Variants in DIP2B observed in about 807,000 individuals in gnomAD.
DIP2B encodes the protein DIP2 acetate--CoA ligase B (putative).
Under a neutral mutation model 198.0 loss-of-function variants are expected in DIP2B, and 76 were observed. The observed-to-expected ratio is 0.38, with a 90% CI of 0.32 to 0.46. DIP2B has a LOEUF of 0.46. Ranked by LOEUF, DIP2B falls within the 20% of genes least tolerant of loss-of-function variation. DIP2B has a pLI of 0.99. For missense variants in DIP2B, 1,559 were observed against 1,978.4 expected, an observed-to-expected ratio of 0.79 and a Z score of 4.02; for synonymous variants, 701 against 739.1, an observed-to-expected ratio of 0.95 and a Z score of 0.84.
intron 3 of DIP2B, among the ~76,000 whole-genome samples, chr12:50,652,854 G>A (rs982687684): frequency 3.0e-4 from 45 of 151,448 alleles, no homozygotes; most frequent in African/African-American, 1.0e-3. Flanking sequence ...CTATTCCTAA[G>A]TATTTTGTTC....
At chr12:50,638,876 T>TG (rs398116439) in intron 2 of DIP2B, among the ~76,000 whole-genome samples, 13 of 151,528 alleles carry the variant, frequency 8.6e-5, no homozygotes, top group East Asian at 1.9e-4. Flanking sequence ...TTTTTTTTTT[T>TG]GGAATATTTA....
chr12:50,714,556 A>G lies in DIP2B; in HGVS notation c.2811A>G (p.Thr937=), dbSNP rs1470548268. Residue 937 remains threonine, a synonymous_variant, in exon 23 of 38, where the codon ACA becomes ACG. Coordinates refer to ENST00000301180, the MANE Select transcript of DIP2B (RefSeq NM_173602.3). The part of the protein sequence containing the change: ...HPCNILMCPH[T]CVTNLPKPRQ... ...GCAACATCCTCATGTGCCCCCATAC[A>G]TGTGTGACAAACTTGCCAAAGCCCC... 2 of 1,614,102 alleles carry G rather than the reference A, an allele frequency of 1.2e-6. No individual in the cohort carries two copies. Among genetic ancestry groups the G allele is most frequent in the Middle Eastern group, 1.7e-4 (1 of 6,060 alleles).
chr12:50,643,058 G>A (rs926115962), intron 3 of DIP2B, among the ~76,000 whole-genome samples: 7 of 151,472 alleles, frequency 4.6e-5, no homozygotes, highest in South Asian at 2.1e-4. Flanking sequence ...GTGTGTGTGC[G>A]TTTTGTTTTT....
chr12:50,660,796 T>A (rs2139511897), intron 4 of DIP2B, among the ~76,000 whole-genome samples: 1 of 152,338 alleles, frequency 6.6e-6, no homozygotes, highest in East Asian at 1.9e-4. Context: ...GGAAGAGCAA[T>A]CATGCAAAGT....
At chr12:50,663,068 C>T (rs899314824) in intron 4 of DIP2B, among the ~76,000 whole-genome samples, 2 of 152,086 alleles carry the variant, frequency 1.3e-5, no homozygotes, top group Admixed American at 6.5e-5. Flanking sequence ...GAGATCGCGC[C>T]ATTCAGTCCA....
chr12:50,553,417 C>A (rs1958443726), intron 1 of DIP2B, among the ~76,000 whole-genome samples: 1 of 152,178 alleles, frequency 6.6e-6, no homozygotes, highest in Admixed American at 6.5e-5. Flanking sequence ...TTAGCACAGG[C>A]ACCCTGTATT....
At chr12:50,731,706 T>A (rs374309965) in intron 31 of DIP2B, among the ~76,000 whole-genome samples, 169 bp downstream of exon 31, 6 of 152,234 alleles carry the variant, frequency 3.9e-5, no homozygotes, top group South Asian at 2.1e-4. Context: ...TCTTCCACCT[T>A]CCTAATTTAG....
intron 1 of DIP2B, among the ~76,000 whole-genome samples, chr12:50,623,419 ACACACACACACACACACACTCTCT>A (rs1360112288): frequency 6.0e-4 from 57 of 95,072 alleles, no homozygotes; most frequent in African/African-American, 1.6e-3. Context: ...ACACACACAC[ACACACACACACACACACACTCTCT>A]CTCTCTCTCT....
At chr12:50,671,147 G>C in intron 4 of DIP2B, 39 bp from the exon 5 acceptor site, 1 of 1,602,552 alleles carries the variant, frequency 6.2e-7, no homozygotes. Flanking sequence ...CTCTGTTCTA[G>C]GTAGGATCGA....
chr12:50,523,948 A>G (rs749842327), intron 1 of DIP2B, among the ~76,000 whole-genome samples: 6 of 152,230 alleles, frequency 3.9e-5, no homozygotes, highest in Admixed American at 6.5e-5. Context: ...TCTTCCTGCA[A>G]TGTCTTTCCA....
intron 1 of DIP2B, among the ~76,000 whole-genome samples, chr12:50,517,416 T>C (rs1164418447): frequency 6.6e-6 from 1 of 152,074 alleles, no homozygotes; most frequent in African/African-American, 2.4e-5. Flanking sequence ...TGTTTCTACT[T>C]CCTGTTCTCC....
chr12:50,632,561 G>C (rs990085500), intron 2 of DIP2B, among the ~76,000 whole-genome samples: 2 of 149,220 alleles, frequency 1.3e-5, no homozygotes, highest in Non-Finnish European at 3.0e-5. Flanking sequence ...TTTTGAGACA[G>C]AGTCTCGCTC....
At chr12:50,622,912 ATT>A (rs761345526) in intron 1 of DIP2B, among the ~76,000 whole-genome samples, 34 of 140,780 alleles carry the variant, frequency 2.4e-4, no homozygotes, top group Middle Eastern at 3.7e-3. Context: ...TTGCCCAGCT[ATT>A]TTTTTTTTTT....
intron 28 of DIP2B, among the ~76,000 whole-genome samples, chr12:50,726,813 T>G (rs1468215723): frequency 1.3e-5 from 2 of 152,090 alleles, no homozygotes; most frequent in African/African-American, 4.8e-5. Context: ...ATTACTATTC[T>G]TAAAATTCTG....
intron 7 of DIP2B, 102 bp downstream of exon 7, chr12:50,675,550 G>C (rs1387480684): frequency 1.7e-6 from 2 of 1,147,800 alleles, no homozygotes; most frequent in Admixed American, 2.6e-5. Context: ...ACAAGACACA[G>C]TTCTTGGTTC....
intron 1 of DIP2B, among the ~76,000 whole-genome samples, chr12:50,560,364 C>T (rs1593609588): frequency 6.7e-6 from 1 of 150,194 alleles, no homozygotes; most frequent in Admixed American, 6.6e-5. Context: ...CCACTGCATT[C>T]CAGCTTGGGC....
At position 50,678,773 on chromosome 12, in the gene DIP2B, T is replaced by C. The variant is rs773777226; in HGVS notation, c.1011T>C (p.Pro337=). Residue 337 remains proline, a synonymous_variant, in exon 8 of 38, where the codon CCT becomes CCC. Transcript: ENST00000301180. The stretch of plus-strand genomic sequence containing the variant: ...TAGGAGTCATCTGTAACTGGCCTCC[T>C]GCTCTTGAATCTGCCCTGCAGCGCT... ...EPLGVICNWP[P]ALESALQRWG... 7.4e-6 allele frequency: 12 copies of C among 1,614,104 alleles called. No individual in the cohort carries two copies. Among genetic ancestry groups the C allele is most frequent in the Admixed American group, 1.7e-5 (1 of 60,002 alleles).
chr12:50,727,143 A>G (rs1021183814), intron 28 of DIP2B, among the ~76,000 whole-genome samples: 39 of 152,304 alleles, frequency 2.6e-4, no homozygotes, highest in African/African-American at 8.9e-4. Flanking sequence ...CTGCTAATTT[A>G]ACTTAGAGAA....
chr12:50,662,744 A>C (rs926716127), intron 4 of DIP2B, among the ~76,000 whole-genome samples: 20 of 152,158 alleles, frequency 1.3e-4, no homozygotes, highest in Non-Finnish European at 1.8e-4. Context: ...AAGGGAAGGG[A>C]GGAGGAAGAA....
Sources: gnomAD v4.1 joint callset for allele counts (sites outside exome capture counted in the v4.1 genomes callset) on GRCh38, gnomAD v4.1.1 for gene constraint, MANE v1.5 for transcripts, NCBI Gene and HGNC (gene_info 2026-07-23, HGNC 2026-07-21) for gene names.